The following PEAK1 variants were observed in gnomAD, a reference collection of about 807,000 sequenced individuals.
The protein encoded by PEAK1 is inactive tyrosine-protein kinase PEAK1.
Under a neutral mutation model 124.7 loss-of-function variants are expected in PEAK1, and 54 were observed. The observed-to-expected ratio is 0.43, with a 90% CI of 0.35 to 0.54. The LOEUF is 0.54. Among genes scored for constraint, PEAK1 ranks in the 20% least tolerant of loss-of-function variants. The pLI is 0.01. For missense variants in PEAK1, 2,046 were observed against 2,134.5 expected (o/e 0.96, Z 0.82); for synonymous variants, 719 against 760.0 (o/e 0.95, Z 0.89).
At chr15:77,332,247 A>AT (rs369039134) in intron 2 of PEAK1, 5 of 984,896 alleles carry the variant, frequency 5.1e-6, no homozygotes, top group Non-Finnish European at 4.8e-6. Flanking sequence ...CAAAAAGTTG[A>AT]TTTTTTTCCC....
At chr15:77,187,558 T>C (rs2057609349) in intron 6 of PEAK1, among the ~76,000 whole-genome samples, 1 of 152,146 alleles carries the variant, frequency 6.6e-6, no homozygotes, top group Non-Finnish European at 1.5e-5. Flanking sequence ...AAGGAAAGTG[T>C]GTAGGTGGGA....
chr15:77,254,640 C>G (rs1353062666), intron 5 of PEAK1, among the ~76,000 whole-genome samples: 1 of 152,110 alleles, frequency 6.6e-6, no homozygotes, highest in African/African-American at 2.4e-5. Context: ...ACTACATTGC[C>G]TAGGCTAGTC....
intron 1 of PEAK1, among the ~76,000 whole-genome samples, chr15:77,372,982 C>A (rs2068752482): frequency 6.6e-6 from 1 of 152,308 alleles, no homozygotes; most frequent in South Asian, 2.1e-4. Flanking sequence ...ACCCGAGGAA[C>A]CATGAACCAA....
At chr15:77,128,875 A>G (rs984186692) in intron 9 of PEAK1, among the ~76,000 whole-genome samples, 6 of 152,236 alleles carry the variant, frequency 3.9e-5, no homozygotes, top group African/African-American at 1.4e-4. Context: ...GTCATAAATA[A>G]GACTTTTGGA....
rs2051040110 is a variant in PEAK1 at position 77,112,584 on chromosome 15, CTT to C, written c.*1570_*1571del. On this transcript the variant is annotated 3_prime_UTR_variant, in exon 10 of 10. Transcript: ENST00000682557. ...GTACACACACATTGTTCGAGTGACT[CTT>C]GGGATTTCAAGGTCAAAGTAAACAC... is the stretch of plus-strand genomic sequence containing the variant. 2.0e-5 allele frequency: 3 copies of C among 152,226 alleles called. No individual in the cohort carries two copies. The highest frequency in any genetic ancestry group is 1.9e-4 in the East Asian group (1 of 5,160). 9.4% of individuals were successfully genotyped at this position (152,226 alleles called of 1,614,324 possible).
intron 6 of PEAK1, among the ~76,000 whole-genome samples, chr15:77,214,232 T>C (rs1447737195): frequency 6.6e-6 from 1 of 152,104 alleles, no homozygotes; most frequent in Non-Finnish European, 1.5e-5. Context: ...TGGGTGGGCA[T>C]GTGTTTTCAT....
At chr15:77,136,466 G>A (rs2053337477) in intron 8 of PEAK1, among the ~76,000 whole-genome samples, 2 of 152,104 alleles carry the variant, frequency 1.3e-5, no homozygotes, top group Admixed American at 6.5e-5. Flanking sequence ...AGGAGTTTGA[G>A]ACCAGCCTGG....
chr15:77,179,743 G>A lies in PEAK1; in HGVS notation c.2184C>T (p.His728=). The A allele has an allele frequency of 1.9e-6, 3 of 1,614,088 alleles. No individual in the cohort carries two copies. Among genetic ancestry groups the A allele is most frequent in the South Asian group, 1.1e-5 (1 of 91,072 alleles). The part of the protein sequence containing the change: ...SSPQRSYSSS[H]SSPAKIQRAT... ...CTCTCTGGATCTTTGCTGGGGAGCT[G>A]TGGCTGGAACTATAGCTTCTCTGTG... Residue 728 remains histidine, a synonymous_variant, in exon 7 of 10, where the codon CAC becomes CAT. Coordinates refer to ENST00000682557, the MANE Select transcript of PEAK1 (RefSeq NM_001385026.1).
At chr15:77,374,253 G>A (rs1233488155) in intron 1 of PEAK1, among the ~76,000 whole-genome samples, 1 of 152,004 alleles carries the variant, frequency 6.6e-6, no homozygotes, top group Non-Finnish European at 1.5e-5. Flanking sequence ...AATTATAAAT[G>A]GCATGTCTAA....
At chr15:77,300,618 C>T (rs942477074) in intron 2 of PEAK1, among the ~76,000 whole-genome samples, 2 of 152,062 alleles carry the variant, frequency 1.3e-5, no homozygotes, top group Admixed American at 1.3e-4. Context: ...AATATAAATA[C>T]ATTATTAACT....
intron 2 of PEAK1, among the ~76,000 whole-genome samples, chr15:77,295,719 G>A (rs936505731): frequency 2.6e-5 from 4 of 152,078 alleles, no homozygotes; most frequent in African/African-American, 7.2e-5. Flanking sequence ...TTATAGTTGC[G>A]GAACATCTAT....
chr15:77,366,211 T>C (rs2068227673), intron 1 of PEAK1, among the ~76,000 whole-genome samples: 1 of 152,176 alleles, frequency 6.6e-6, no homozygotes, highest in Non-Finnish European at 1.5e-5. Context: ...CACTGAAATG[T>C]ACACAGACGT....
At chr15:77,145,302 A>G (rs2054095505) in intron 8 of PEAK1, among the ~76,000 whole-genome samples, 1 of 152,186 alleles carries the variant, frequency 6.6e-6, no homozygotes, top group African/African-American at 2.4e-5. Flanking sequence ...ACAAAAAATT[A>G]GCTGGGGGTG....
At chr15:77,335,067 G>C in intron 2 of PEAK1, 1 of 985,404 alleles carries the variant, frequency 1.0e-6, no homozygotes, top group Non-Finnish European at 1.2e-6. Flanking sequence ...TTCTTCTAGG[G>C]AGGTGCTATA....
In PEAK1 at chr15:77,145,207, G is replaced by A. The variant is rs188654933; in HGVS notation, c.3332-11457C>T. Reference sequence around the variant, plus strand: ...CTCATGCCTGTAATCCCAGCACTTCGGGAGGCCGAGGTGGGTGGATCGCCT... The same window carrying A: ...CTCATGCCTGTAATCCCAGCACTTCAGGAGGCCGAGGTGGGTGGATCGCCT... On this transcript the variant is annotated intron_variant, in intron 8 of 9. Coordinates refer to ENST00000682557, the MANE Select transcript of PEAK1 (RefSeq NM_001385026.1). Among the ~76,000 whole-genome samples, 8 of 152,276 alleles carry A rather than the reference G, an allele frequency of 5.3e-5. No individual in the cohort carries two copies. The East Asian group carries it at 1.2e-3, about 22-fold the overall frequency.
chr15:77,405,251 G>C (rs145101114), intron 1 of PEAK1, among the ~76,000 whole-genome samples: 1 of 151,886 alleles, frequency 6.6e-6, no homozygotes, highest in Non-Finnish European at 1.5e-5. Context: ...TGATCTGCCC[G>C]CCTCAGCCTC....
chr15:77,277,163 T>C (rs1457347005), intron 5 of PEAK1, among the ~76,000 whole-genome samples: 1 of 152,190 alleles, frequency 6.6e-6, no homozygotes, highest in Non-Finnish European at 1.5e-5. Context: ...GGAATGATTC[T>C]TGACATCTCA....
At chr15:77,296,876 G>A (rs2063513107) in intron 2 of PEAK1, among the ~76,000 whole-genome samples, 1 of 151,524 alleles carries the variant, frequency 6.6e-6, no homozygotes, top group South Asian at 2.1e-4. Context: ...ACAAAGGAGG[G>A]ACAAGCACAC....
At chr15:77,347,596 C>G (rs2066943424) in intron 2 of PEAK1, 1 of 985,140 alleles carries the variant, frequency 1.0e-6, no homozygotes, top group African/African-American at 1.7e-5. Flanking sequence ...CTTGTTTGAC[C>G]TACACATTTG....
Sources: gnomAD v4.1 joint callset for allele counts (sites outside exome capture counted in the v4.1 genomes callset) on GRCh38, gnomAD v4.1.1 for gene constraint, MANE v1.5 for transcripts, NCBI Gene and HGNC (gene_info 2026-07-23, HGNC 2026-07-21) for gene names.